Variants in CNTNAP5 observed in about 807,000 individuals in gnomAD.
The protein encoded by CNTNAP5 is contactin-associated protein-like 5.
Under a neutral mutation model 150.2 loss-of-function variants are expected in CNTNAP5, and 72 were observed. That is an observed-to-expected ratio of 0.48 (90% CI 0.40 to 0.58). CNTNAP5 has a LOEUF of 0.58. Among genes scored for constraint, CNTNAP5 ranks in the 20% least tolerant of loss-of-function variants. The pLI is 0.00. For missense variants in CNTNAP5, 1,636 were observed against 1,626.2 expected, an observed-to-expected ratio of 1.01 and a Z score of -0.10; for synonymous variants, 672 against 619.8, an observed-to-expected ratio of 1.08 and a Z score of -1.25.
chr2:124,446,926 A>G lies in CNTNAP5; in HGVS notation c.907A>G (p.Ile303Val), dbSNP rs762512565. 3 of 1,613,210 alleles carry G rather than the reference A, an allele frequency of 1.9e-6. No individual in the cohort carries two copies. In the South Asian group the frequency reaches 3.3e-5, roughly 18 times the overall value. ...CAAGGGCGAGACGGATGCCTTAGAC[A>G]TTGACTATGAGGTGAGTTGATCCTC... is the stretch of plus-strand genomic sequence containing the variant. ...RTKGETDALD[I>V]DYELSFGGIP... Residue 303 changes from isoleucine (I) to valine (V), a missense_variant, in exon 6 of 24, where the codon ATT (isoleucine) becomes GTT (valine). Ile to Val is a conservative substitution (Grantham distance 29). Transcript: ENST00000682447.
intron 13 of CNTNAP5, among the ~76,000 whole-genome samples, chr2:124,721,550 T>A (rs1275797320): frequency 1.4e-5 from 2 of 145,670 alleles, no homozygotes; most frequent in African/African-American, 5.2e-5. Flanking sequence ...GAAAAAAAAT[T>A]AAATATAGGG....
At chr2:124,430,182 T>C (rs1309778039) in intron 4 of CNTNAP5, among the ~76,000 whole-genome samples, 1 of 152,092 alleles carries the variant, frequency 6.6e-6, no homozygotes, top group Non-Finnish European at 1.5e-5. Flanking sequence ...GAGCTGAGCA[T>C]CGTGGTCCAA....
chr2:124,663,146 T>C (rs1211318951), intron 13 of CNTNAP5, among the ~76,000 whole-genome samples: 1 of 151,646 alleles, frequency 6.6e-6, no homozygotes, highest in Non-Finnish European at 1.5e-5. Context: ...TGTGACCCTA[T>C]CTGTAACTGT....
At chr2:124,669,704 T>C (rs1444456643) in intron 13 of CNTNAP5, among the ~76,000 whole-genome samples, 15 of 152,218 alleles carry the variant, frequency 9.9e-5, no homozygotes, top group African/African-American at 4.8e-5. Context: ...TCCCAAACTT[T>C]GTAAATAGCA....
intron 1 of CNTNAP5, among the ~76,000 whole-genome samples, chr2:124,177,995 C>T (rs1685109932): frequency 6.6e-6 from 1 of 151,868 alleles, no homozygotes; most frequent in Admixed American, 6.6e-5. Context: ...TACAGGCACC[C>T]ACAACCACGC....
At chr2:124,280,548 G>C (rs1017247308) in intron 3 of CNTNAP5, among the ~76,000 whole-genome samples, 6 of 152,062 alleles carry the variant, frequency 3.9e-5, no homozygotes, top group Non-Finnish European at 8.8e-5. Context: ...GTGAGATTTT[G>C]CTGACATTTT....
chr2:124,271,701 CATCT>C (rs3063496), intron 3 of CNTNAP5, among the ~76,000 whole-genome samples: 30,835 of 113,898 alleles, frequency 0.27, 3,923 homozygotes, highest in Admixed American at 0.34. Context: ...ATCTATCTAT[CATCT>C]ATCTATCTAT....
chr2:124,691,319 T>G (rs538450151), intron 13 of CNTNAP5, among the ~76,000 whole-genome samples: 1 of 152,110 alleles, frequency 6.6e-6, no homozygotes, highest in African/African-American at 2.4e-5. Flanking sequence ...AAAAAGTTGG[T>G]GGGTAAAGTT....
intron 3 of CNTNAP5, among the ~76,000 whole-genome samples, chr2:124,265,849 GAGTC>G (rs1687592745): frequency 6.6e-6 from 1 of 150,892 alleles, no homozygotes; most frequent in Non-Finnish European, 1.5e-5. Context: ...AAAAAAAACA[GAGTC>G]AGTCAGGTTA....
intron 3 of CNTNAP5, among the ~76,000 whole-genome samples, chr2:124,350,151 G>T (rs936556907): frequency 4.0e-5 from 6 of 151,520 alleles, no homozygotes; most frequent in Non-Finnish European, 5.9e-5. Flanking sequence ...CAAAGTACTG[G>T]GATTACAGGC....
At chr2:124,439,055 T>A (rs553585830) in intron 5 of CNTNAP5, among the ~76,000 whole-genome samples, 14 of 152,146 alleles carry the variant, frequency 9.2e-5, no homozygotes, top group Admixed American at 5.2e-4. Context: ...ATAATAAAAA[T>A]TATAAAACAA....
At chr2:124,877,598 C>A (rs1353820317) in intron 21 of CNTNAP5, among the ~76,000 whole-genome samples, 1 of 152,114 alleles carries the variant, frequency 6.6e-6, no homozygotes, top group Non-Finnish European at 1.5e-5. Flanking sequence ...ATGTGTGAAA[C>A]AAACAAATAT....
At chr2:124,620,737 ACACACATG>A (rs944787853) in intron 12 of CNTNAP5, among the ~76,000 whole-genome samples, 37 of 111,720 alleles carry the variant, frequency 3.3e-4, no homozygotes, top group East Asian at 2.3e-3. Context: ...CTACACACAC[ACACACATG>A]CACACACACA....
intron 19 of CNTNAP5, among the ~76,000 whole-genome samples, chr2:124,816,721 A>G (rs1042584572): frequency 6.6e-6 from 1 of 151,632 alleles, no homozygotes; most frequent in African/African-American, 2.4e-5. Flanking sequence ...CAGGTGATCC[A>G]CCCGCCTCAG....
intron 6 of CNTNAP5, among the ~76,000 whole-genome samples, chr2:124,463,370 A>G (rs1283492932): frequency 6.6e-6 from 1 of 152,210 alleles, no homozygotes; most frequent in Non-Finnish European, 1.5e-5. Flanking sequence ...AAGGAACTGT[A>G]GGCCTGGCAT....
chr2:124,748,055 G>A (rs1028034425), intron 14 of CNTNAP5, among the ~76,000 whole-genome samples: 2 of 151,876 alleles, frequency 1.3e-5, no homozygotes, highest in Non-Finnish European at 1.5e-5. Context: ...TGGGGGGAGA[G>A]AGTGAGAGAG....
At chr2:124,262,495 A>G (rs1416665046) in intron 3 of CNTNAP5, among the ~76,000 whole-genome samples, 1 of 152,158 alleles carries the variant, frequency 6.6e-6, no homozygotes, top group Admixed American at 6.6e-5. Context: ...TAAACTTAAT[A>G]AATTCAGAGA....
rs147316734 is a variant in CNTNAP5, at chr2:124,648,193, C to T, written c.2077+235C>T. On this transcript the variant is annotated intron_variant, in intron 13 of 23. Transcript: ENST00000682447. ...AGTTTTCTCCTCATCATAAAGAAAA[C>T]GATTCCAACACCCACCCTGCAACAG... is the stretch of plus-strand genomic sequence containing the variant. 7.9e-3 allele frequency among the ~76,000 whole-genome samples: 1,199 copies of T among 152,228 alleles called. 17 individuals carry two copies. Among genetic ancestry groups the T allele is most frequent in the African/African-American group, 0.027 (1,140 of 41,526 alleles).
chr2:124,775,317 GC>G (rs1190695050), intron 17 of CNTNAP5, among the ~76,000 whole-genome samples: 1 of 152,088 alleles, frequency 6.6e-6, no homozygotes, highest in African/African-American at 2.4e-5. Context: ...ATGAACAATT[GC>G]ATTCTGTATT....
Sources: gnomAD v4.1 joint callset for allele counts (sites outside exome capture counted in the v4.1 genomes callset) on GRCh38, gnomAD v4.1.1 for gene constraint, MANE v1.5 for transcripts, NCBI Gene and HGNC (gene_info 2026-07-23, HGNC 2026-07-21) for gene names.